Variants in ABCD3 observed in about 807,000 individuals in gnomAD.
ABCD3 encodes ATP-binding cassette sub-family D member 3.
Under a neutral mutation model 105.5 loss-of-function variants are expected in ABCD3, and 41 were observed. The ratio of observed to expected loss-of-function variants is 0.39; its 90% CI spans 0.30 to 0.50. The LOEUF (loss-of-function observed/expected upper bound fraction) is 0.50, where lower values mean the gene tolerates loss of function less well. ABCD3 is among the 20% of genes least tolerant of loss of function. The pLI, the probability that ABCD3 is intolerant of heterozygous loss-of-function variation, is 0.84. For synonymous variants in ABCD3, 258 were observed against 269.0 expected (o/e 0.96, Z 0.40); for missense variants, 622 against 806.3 (o/e 0.77, Z 2.77).
chr1:94,443,617 G>A (rs976787944), intron 1 of ABCD3, among the ~76,000 whole-genome samples: 3 of 152,262 alleles, frequency 2.0e-5, no homozygotes, highest in Middle Eastern at 3.4e-3. Context: ...TGTAGTTTTA[G>A]GTCTTACGAT....
intron 8 of ABCD3, chr1:94,478,685 T>TA (rs1020690498): frequency 1.4e-4 from 130 of 933,322 alleles, no homozygotes; most frequent in Middle Eastern, 7.0e-4. Flanking sequence ...CCCGCTTCTT[T>TA]AAAAAATAAT....
At chr1:94,472,545 A>T (rs756917330) in intron 4 of ABCD3, among the ~76,000 whole-genome samples, 5 of 152,054 alleles carry the variant, frequency 3.3e-5, no homozygotes, top group African/African-American at 1.2e-4. Flanking sequence ...AACATTTCCC[A>T]AAGTATGTTC....
At chr1:94,488,281 A>G (rs927749045) in intron 13 of ABCD3, among the ~76,000 whole-genome samples, 7 of 152,128 alleles carry the variant, frequency 4.6e-5, no homozygotes, top group South Asian at 2.1e-4. Flanking sequence ...AACTATGTTT[A>G]TGAATAGAAT....
chr1:94,397,676 T>C, the ABCD3 span, among the ~76,000 whole-genome samples: 5 of 152,168 alleles, frequency 3.3e-5, no homozygotes, highest in South Asian at 2.1e-4. Flanking sequence ...GTTTCTCTAC[T>C]ATAAAATTAC....
chr1:94,394,660 T>C, the ABCD3 span, among the ~76,000 whole-genome samples: 1 of 152,188 alleles, frequency 6.6e-6, no homozygotes, highest in African/African-American at 2.4e-5. Context: ...TCAGGGGACA[T>C]GAGGATTCAA....
At chr1:94,414,703 G>A (rs1658968007), upstream of ABCD3, among the ~76,000 whole-genome samples, 8 of 152,102 alleles carry the variant, frequency 5.3e-5, no homozygotes, top group South Asian at 1.7e-3. Flanking sequence ...GCCTCCCTCA[G>A]CCTCCATCCA....
chr1:94,483,324 C>G, intron 10 of ABCD3, 85 bp downstream of exon 10: 1 of 984,766 alleles, frequency 1.0e-6, no homozygotes, highest in East Asian at 2.4e-5. Flanking sequence ...CACACATACA[C>G]ACACACACAA....
chr1:94,386,262 T>C, the ABCD3 span, among the ~76,000 whole-genome samples: 1 of 152,236 alleles, frequency 6.6e-6, no homozygotes, highest in Non-Finnish European at 1.5e-5. Context: ...AAGGCCATGA[T>C]GAGCAACAGG....
upstream of ABCD3, among the ~76,000 whole-genome samples, chr1:94,413,728 G>T (rs1468371922): frequency 2.6e-5 from 4 of 152,164 alleles, no homozygotes; most frequent in Non-Finnish European, 5.9e-5. Context: ...GAGCAAAGAT[G>T]ATTTGTTCTC....
chr1:94,501,291 A>T (rs1570827460), intron 20 of ABCD3, among the ~76,000 whole-genome samples: 1 of 150,714 alleles, frequency 6.6e-6, no homozygotes, highest in South Asian at 2.1e-4. Context: ...AAAACACATG[A>T]TCCATAATAG....
intron 16 of ABCD3, among the ~76,000 whole-genome samples, chr1:94,493,995 A>G (rs1209529746): frequency 6.6e-6 from 1 of 152,124 alleles, no homozygotes; most frequent in African/African-American, 2.4e-5. Flanking sequence ...CCTAATGCTA[A>G]ATGACAAGTT....
At chr1:94,463,241 C>T (rs1016241411) in intron 2 of ABCD3, among the ~76,000 whole-genome samples, 6 of 152,122 alleles carry the variant, frequency 3.9e-5, no homozygotes, top group African/African-American at 1.4e-4. Context: ...GATTCTTTTC[C>T]AGTTCCTCCT....
intron 2 of ABCD3, among the ~76,000 whole-genome samples, chr1:94,460,716 G>T (rs1293438477): frequency 6.6e-6 from 1 of 152,052 alleles, no homozygotes; most frequent in African/African-American, 2.4e-5. Flanking sequence ...GTCAGTGTCT[G>T]TTCTCTGAAT....
At chr1:94,433,924 T>C (rs484420) in intron 1 of ABCD3, among the ~76,000 whole-genome samples, 145,599 of 152,198 alleles carry the variant, frequency 0.96, 70,046 homozygotes, top group East Asian at 1. Context: ...GCTGGGATTA[T>C]GGGTATGAGC....
At chr1:94,398,380 C>T in the ABCD3 span, among the ~76,000 whole-genome samples, 3 of 152,124 alleles carry the variant, frequency 2.0e-5, no homozygotes, top group Admixed American at 2.0e-4. Flanking sequence ...AAAATAATAT[C>T]AGAATCACTA....
At chr1:94,413,625 C>A (rs1658952995), upstream of ABCD3, among the ~76,000 whole-genome samples, 1 of 152,172 alleles carries the variant, frequency 6.6e-6, no homozygotes, top group African/African-American at 2.4e-5. Flanking sequence ...GAAGAAACAG[C>A]CTTGTCAGGA....
intron 1 of ABCD3, among the ~76,000 whole-genome samples, chr1:94,438,596 T>C (rs1226755057): frequency 1.3e-5 from 2 of 151,936 alleles, no homozygotes; most frequent in Admixed American, 6.5e-5. Flanking sequence ...AAAGGAAGAG[T>C]TAATCACTAT....
At chr1:94,514,902 T>C (rs1160974120) in intron 21 of ABCD3, 10 of 478,702 alleles carry the variant, frequency 2.1e-5, no homozygotes, top group Admixed American at 1.4e-4. Context: ...ATAGGAGATA[T>C]GTTTTTTGCC....
the ABCD3 span, among the ~76,000 whole-genome samples, chr1:94,385,605 T>A: frequency 2.0e-5 from 3 of 152,230 alleles, no homozygotes; most frequent in Non-Finnish European, 4.4e-5. Flanking sequence ...TCTGTATGTG[T>A]CAGCCATGGC....
Sources: gnomAD v4.1 joint callset for allele counts (sites outside exome capture counted in the v4.1 genomes callset) on GRCh38, gnomAD v4.1.1 for gene constraint, MANE v1.5 for transcripts, NCBI Gene and HGNC (gene_info 2026-07-23, HGNC 2026-07-21) for gene names.